The following COL9A1 variants were observed in gnomAD, a reference collection of about 807,000 sequenced individuals.
The protein encoded by COL9A1 is collagen alpha-1(IX) chain.
In COL9A1, 104 loss-of-function variants were observed where a neutral mutation model predicts 142.6. The ratio of observed to expected loss-of-function variants is 0.73; its 90% CI spans 0.62 to 0.86. The LOEUF is 0.86. Ranked by LOEUF, COL9A1 falls within the 40% of genes least tolerant of loss-of-function variation. COL9A1 has a pLI of 0.00. For missense variants in COL9A1, 1,210 were observed against 1,176.6 expected, an observed-to-expected ratio of 1.03 and a Z score of -0.42; for synonymous variants, 466 against 396.0, an observed-to-expected ratio of 1.18 and a Z score of -2.10.
rs148894608 is a variant in COL9A1 at position 70,224,016 on chromosome 6, G to C, written c.2581+1916C>G. On this transcript the variant is annotated intron_variant, in intron 37 of 37. Transcript: ENST00000357250. The stretch of plus-strand genomic sequence containing the variant: ...GGTGATCCCAGGAAAGCAGGGGCAA[G>C]GACTGGCCAAAGGAAGAAAGGAAAA... Among the ~76,000 whole-genome samples the C allele has an allele frequency of 1.5e-4, 23 of 152,206 alleles. 1 individual carries two copies. The East Asian group carries it at 4.2e-3, about 28-fold the overall frequency.
intron 32 of COL9A1, 74 bp downstream of exon 32, chr6:70,240,615 G>T (rs964136087): frequency 5.1e-6 from 5 of 978,784 alleles, no homozygotes; most frequent in African/African-American, 1.7e-5. Flanking sequence ...AACTGTGTTA[G>T]AAGTATATAT....
intron 37 of COL9A1, among the ~76,000 whole-genome samples, chr6:70,221,531 T>C (rs1170651209): frequency 1.3e-5 from 2 of 152,300 alleles, no homozygotes; most frequent in African/African-American, 2.4e-5. Context: ...TTCCACTCAA[T>C]AGTCTCAAGC....
chr6:70,232,357 C>T (rs1020834599), intron 36 of COL9A1, among the ~76,000 whole-genome samples: 5 of 152,204 alleles, frequency 3.3e-5, no homozygotes, highest in Admixed American at 6.5e-5. Context: ...CTAAAAGACA[C>T]GGGACTTTAA....
In COL9A1 at chr6:70,232,686, G is replaced by A; in HGVS notation, c.2400C>T (p.Pro800=). Residue 800 remains proline, a synonymous_variant, in exon 36 of 38, where the codon CCC becomes CCT. Transcript: ENST00000357250. The part of the protein sequence containing the change: ...GLPGRPGPPG[P]PGPPGENGFP... ...AACCATTCTCTCCAGGAGGGCCGGGGGGACCAGGAGGGCCAGGCCTTCCAG... is the reference window on the plus strand; with the variant it reads ...AACCATTCTCTCCAGGAGGGCCGGGAGGACCAGGAGGGCCAGGCCTTCCAG... 6.2e-7 allele frequency: 1 copy of A among 1,614,030 alleles called. No individual in the cohort carries two copies. Among genetic ancestry groups the A allele is most frequent in the South Asian group, 1.1e-5 (1 of 91,086 alleles).
At chr6:70,271,302 A>C (rs770968309) in intron 14 of COL9A1, among the ~76,000 whole-genome samples, 1 of 152,232 alleles carries the variant, frequency 6.6e-6, no homozygotes, top group African/African-American at 2.4e-5. Context: ...TAACATAAAT[A>C]CACATGGTAA....
chr6:70,280,686 A>G, intron 10 of COL9A1, 126 bp downstream of exon 10: 1 of 1,379,628 alleles, frequency 7.2e-7, no homozygotes, highest in South Asian at 1.3e-5. Context: ...CAGGAGGCCA[A>G]GTTTAGAGCC....
chr6:70,243,366 G>C (rs1379094085), intron 28 of COL9A1, among the ~76,000 whole-genome samples: 4 of 152,108 alleles, frequency 2.6e-5, no homozygotes, highest in Non-Finnish European at 4.4e-5. Flanking sequence ...TTTATTTTGT[G>C]AACCTACTTC....
intron 28 of COL9A1, among the ~76,000 whole-genome samples, chr6:70,249,023 C>T (rs1430813854): frequency 6.6e-6 from 1 of 151,926 alleles, no homozygotes. Flanking sequence ...GTCTGGCCTA[C>T]AGGAAAGAGG....
At chr6:70,259,802 C>T (rs964291314) in intron 20 of COL9A1, among the ~76,000 whole-genome samples, 2 of 152,132 alleles carry the variant, frequency 1.3e-5, no homozygotes, top group African/African-American at 4.8e-5. Context: ...CTTGGAATCT[C>T]CCCAGCAGCC....
intron 35 of COL9A1, 126 bp from the exon 36 acceptor site, chr6:70,232,897 G>A (rs945181616): frequency 5.1e-6 from 5 of 975,680 alleles, no homozygotes; most frequent in South Asian, 1.4e-5. Context: ...TTGGTAGTAA[G>A]AAATGAATAA....
rs115619773 is a variant in COL9A1, at chr6:70,273,354, A to G, written c.1065+693T>C. On this transcript the variant is annotated intron_variant, in intron 12 of 37. Transcript: ENST00000357250. ...ATTGTTGAGATTAAGAGTTGAGTTG[A>G]AAAATATGGGAGAAAGGCCAGCAAG... Among the ~76,000 whole-genome samples, 454 of 152,310 alleles carry G rather than the reference A, an allele frequency of 3.0e-3. 1 individual carries two copies. Among genetic ancestry groups the G allele is most frequent in the African/African-American group, 0.011 (442 of 41,578 alleles).
intron 19 of COL9A1, among the ~76,000 whole-genome samples, chr6:70,261,263 G>A (rs796845291): frequency 1.3e-4 from 20 of 152,178 alleles, no homozygotes; most frequent in African/African-American, 4.3e-4. Context: ...ATTCCAACTC[G>A]GGGCAATAGG....
At chr6:70,281,253 C>A in intron 8 of COL9A1, 137 bp downstream of exon 8, 1 of 905,480 alleles carries the variant, frequency 1.1e-6, no homozygotes, top group Non-Finnish European at 1.7e-6. Flanking sequence ...CATGTCTGAT[C>A]CTGCCTTTAA....
chr6:70,239,371 C>T, intron 32 of COL9A1, 85 bp from the exon 33 acceptor site: 1 of 962,048 alleles, frequency 1.0e-6, no homozygotes. Context: ...TATTGTGCTA[C>T]TAAAATACGG....
intron 19 of COL9A1, among the ~76,000 whole-genome samples, chr6:70,262,860 A>G (rs1442420544): frequency 6.6e-6 from 1 of 152,234 alleles, no homozygotes; most frequent in African/African-American, 2.4e-5. Flanking sequence ...CATTAATCCA[A>G]TAAATGATAT....
chr6:70,263,146 G>T, intron 19 of COL9A1, 98 bp downstream of exon 19: 1 of 933,660 alleles, frequency 1.1e-6, no homozygotes, highest in Non-Finnish European at 1.6e-6. Flanking sequence ...TTCATGTAAT[G>T]CTATTCATCC....
At chr6:70,277,971 C>T (rs1772878329) in intron 10 of COL9A1, among the ~76,000 whole-genome samples, 1 of 152,152 alleles carries the variant, frequency 6.6e-6, no homozygotes, top group African/African-American at 2.4e-5. Context: ...AATTCTGACC[C>T]AGTTACTGCA....
chr6:70,284,755 A>G (rs569950628), intron 5 of COL9A1, among the ~76,000 whole-genome samples: 34 of 152,360 alleles, frequency 2.2e-4, no homozygotes, highest in Non-Finnish European at 4.1e-4. Flanking sequence ...AATTGGATCC[A>G]TATTTCTTTG....
chr6:70,295,281 C>CTTTTTTTTTTTTTTTTTTTTT (rs1171549562), intron 4 of COL9A1, among the ~76,000 whole-genome samples: 1 of 63,130 alleles, frequency 1.6e-5, no homozygotes, highest in African/African-American at 6.4e-5. Context: ...GTTGTTGCTT[C>CTTTTTTTTTTTTTTTTTTTTT]TTTTTTTTTT....
Sources: allele counts gnomAD v4.1 joint callset (sites outside exome capture counted in the v4.1 genomes callset), GRCh38; gene constraint gnomAD v4.1.1; transcripts MANE v1.5; gene names NCBI Gene and HGNC (gene_info 2026-07-23, HGNC 2026-07-21).